Variants in GRM8 observed in about 807,000 individuals in gnomAD.
GRM8 encodes the protein glutamate metabotropic receptor 8.
GRM8 carries 47 observed loss-of-function variants against 87.2 expected under a neutral mutation model. The ratio of observed to expected loss-of-function variants is 0.54; its 90% CI spans 0.43 to 0.69. The LOEUF is 0.69. GRM8 is among the 30% of genes least tolerant of loss of function. The probability of loss-of-function intolerance (pLI) is 0.00; values close to 1 mark genes in which losing one functional copy is unlikely to be tolerated. For missense variants in GRM8, 1,019 were observed against 1,139.2 expected, an observed-to-expected ratio of 0.89 and a Z score of 1.52; for synonymous variants, 396 against 404.5, an observed-to-expected ratio of 0.98 and a Z score of 0.25.
At chr7:126,780,004 T>C (rs1048627037) in intron 6 of GRM8, among the ~76,000 whole-genome samples, 1 of 152,224 alleles carries the variant, frequency 6.6e-6, no homozygotes, top group African/African-American at 2.4e-5. Flanking sequence ...GCACCTTATG[T>C]AGTAAATAAA....
At chr7:127,098,262 T>C (rs1438510844) in intron 3 of GRM8, among the ~76,000 whole-genome samples, 1 of 152,250 alleles carries the variant, frequency 6.6e-6, no homozygotes, top group Non-Finnish European at 1.5e-5. Context: ...TTCCTTTCAT[T>C]CATAGTATTT....
At chr7:126,745,064 A>T (rs753099033) in intron 7 of GRM8, among the ~76,000 whole-genome samples, 2 of 151,902 alleles carry the variant, frequency 1.3e-5, no homozygotes, top group African/African-American at 4.8e-5. Context: ...ATAATCAATG[A>T]TAATGCACAC....
intron 3 of GRM8, among the ~76,000 whole-genome samples, chr7:127,042,748 C>A (rs1464845795): frequency 1.3e-5 from 2 of 152,142 alleles, no homozygotes; most frequent in African/African-American, 4.8e-5. Context: ...GCAACAAAAG[C>A]CAAAATTGAC....
chr7:126,683,384 T>G (rs1313222532), intron 7 of GRM8, among the ~76,000 whole-genome samples: 1 of 152,214 alleles, frequency 6.6e-6, no homozygotes, highest in Non-Finnish European at 1.5e-5. Flanking sequence ...CCTCTGATAT[T>G]TCAAGCTGAG....
intron 2 of GRM8, among the ~76,000 whole-genome samples, chr7:127,180,418 T>C (rs1794368987): frequency 6.6e-6 from 1 of 151,844 alleles, no homozygotes; most frequent in South Asian, 2.1e-4. Context: ...CTACCAGACA[T>C]CCAAAAAAGA....
At chr7:127,041,079 T>C (rs1586829941) in intron 3 of GRM8, among the ~76,000 whole-genome samples, 2 of 152,304 alleles carry the variant, frequency 1.3e-5, no homozygotes, top group South Asian at 2.1e-4. Flanking sequence ...ATGAAAGTAG[T>C]TCCTTTAAAT....
chr7:126,466,217 T>C (rs1804488189), intron 9 of GRM8, among the ~76,000 whole-genome samples: 1 of 151,830 alleles, frequency 6.6e-6, no homozygotes. Flanking sequence ...ATGGTTCCAT[T>C]ATAAAGAGGG....
intron 3 of GRM8, among the ~76,000 whole-genome samples, chr7:126,910,048 T>C (rs1803132393): frequency 6.6e-6 from 1 of 152,156 alleles, no homozygotes; most frequent in Admixed American, 6.5e-5. Context: ...TAAATCTAAT[T>C]GACAGCTACA....
At chr7:127,100,115 A>C (rs1825094018) in intron 3 of GRM8, among the ~76,000 whole-genome samples, 1 of 152,124 alleles carries the variant, frequency 6.6e-6, no homozygotes, top group South Asian at 2.1e-4. Flanking sequence ...CAACCACCTT[A>C]ATTTTTTATT....
chr7:127,160,535 G>GCGCGCACA (rs1554603506), intron 2 of GRM8, among the ~76,000 whole-genome samples: 4 of 140,328 alleles, frequency 2.9e-5, no homozygotes, highest in African/African-American at 9.5e-5. Context: ...TCACGCGCGC[G>GCGCGCACA]CACACACACA....
intron 6 of GRM8, chr7:126,869,184 T>C (rs985101005): frequency 6.6e-6 from 1 of 152,268 alleles, no homozygotes; most frequent in Admixed American, 6.5e-5. Flanking sequence ...TTGATAATTA[T>C]ATTGCAACAA....
chr7:126,712,304 A>C (rs1811187216), intron 7 of GRM8, among the ~76,000 whole-genome samples: 1 of 152,196 alleles, frequency 6.6e-6, no homozygotes, highest in African/African-American at 2.4e-5. Flanking sequence ...TAAGTTTCCC[A>C]TCTTATATAG....
intron 2 of GRM8, among the ~76,000 whole-genome samples, chr7:127,198,493 T>C (rs915297149): frequency 2.6e-5 from 4 of 152,158 alleles, no homozygotes; most frequent in Non-Finnish European, 5.9e-5. Context: ...AATGGGCTAA[T>C]TCTTATAAAG....
In GRM8 at chr7:126,685,476, C is replaced by T. The variant is rs114786475; in HGVS notation, c.1358-75978G>A. Among the ~76,000 whole-genome samples the T allele has an allele frequency of 6.6e-6, 1 of 152,104 alleles. No individual in the cohort carries two copies. Among genetic ancestry groups the T allele is most frequent in the African/African-American group, 2.4e-5 (1 of 41,438 alleles). On this transcript the variant is annotated intron_variant, in intron 7 of 10. Coordinates refer to ENST00000339582, the MANE Select transcript of GRM8 (RefSeq NM_000845.3). The surrounding 1 kb of genome is among the most constrained non-coding windows in gnomAD (Gnocchi z 4.2). The stretch of plus-strand genomic sequence containing the variant: ...TCTGGACCCAGGCATCTCTGTGTTC[C>T]TGGGGGCCCAGGAAGGCCCCTCTGA...
chr7:126,806,911 C>T (rs983161120), intron 6 of GRM8, among the ~76,000 whole-genome samples: 11 of 152,330 alleles, frequency 7.2e-5, no homozygotes, highest in African/African-American at 1.9e-4. Flanking sequence ...CAGAGGGAGC[C>T]GGCTCTGGCC....
intron 9 of GRM8, among the ~76,000 whole-genome samples, chr7:126,475,653 T>C (rs556500720): frequency 1.9e-4 from 29 of 152,244 alleles, no homozygotes; most frequent in African/African-American, 7.0e-4. Context: ...TAACTCCAAA[T>C]AGACAAAGTA....
chr7:127,178,194 A>G (rs921636920), intron 2 of GRM8, among the ~76,000 whole-genome samples: 2 of 152,172 alleles, frequency 1.3e-5, no homozygotes, highest in African/African-American at 4.8e-5. Flanking sequence ...ACACTTTTAG[A>G]AATGTGGAAT....
chr7:126,976,908 T>TC (rs1811047426), intron 3 of GRM8, among the ~76,000 whole-genome samples: 1 of 151,634 alleles, frequency 6.6e-6, no homozygotes, highest in Admixed American at 6.6e-5. Context: ...ATTATTTTTT[T>TC]TTTTTTACAG....
chr7:126,561,657 G>A (rs1793713782), intron 8 of GRM8, among the ~76,000 whole-genome samples: 1 of 150,400 alleles, frequency 6.6e-6, no homozygotes, highest in African/African-American at 2.4e-5. Flanking sequence ...TTAAGTTTTA[G>A]GGTACATGTG....
Sources: gnomAD v4.1 joint callset for allele counts (sites outside exome capture counted in the v4.1 genomes callset) on GRCh38, gnomAD v4.1.1 for gene constraint, Gnocchi (gnomAD v3.1) non-coding constraint, MANE v1.5 for transcripts, NCBI Gene and HGNC (gene_info 2026-07-23, HGNC 2026-07-21) for gene names.